Variants in ERBB4 observed in about 807,000 individuals in gnomAD.
The protein encoded by ERBB4 is receptor tyrosine-protein kinase erbB-4.
Under a neutral mutation model 158.0 loss-of-function variants are expected in ERBB4, and 42 were observed. The ratio of observed to expected loss-of-function variants is 0.27; its 90% confidence interval spans 0.21 to 0.34. ERBB4 has a LOEUF of 0.34. Ranked by LOEUF, ERBB4 falls within the 10% of genes least tolerant of loss-of-function variation. ERBB4 has a pLI of 1.00. For missense variants in ERBB4, 1,333 were observed against 1,624.1 expected (o/e 0.82, Z 3.08); for synonymous variants, 583 against 558.7 (o/e 1.04, Z -0.61).
chr2:211,949,069 C>T (rs2080797382), intron 2 of ERBB4, among the ~76,000 whole-genome samples: 1 of 152,096 alleles, frequency 6.6e-6, no homozygotes, highest in Admixed American at 6.6e-5. Context: ...TCTGACACCC[C>T]AAGTGTGATC....
chr2:211,918,987 T>C (rs1024883434), intron 3 of ERBB4, among the ~76,000 whole-genome samples: 7 of 152,098 alleles, frequency 4.6e-5, no homozygotes, highest in Non-Finnish European at 8.8e-5. Flanking sequence ...GTTTTTCTCC[T>C]TAAACTTGCC....
intron 1 of ERBB4, among the ~76,000 whole-genome samples, chr2:212,220,700 T>C (rs2083265240): frequency 6.6e-6 from 1 of 151,426 alleles, no homozygotes; most frequent in Non-Finnish European, 1.5e-5. Context: ...CTCCCTGCTA[T>C]ATTCAATTAA....
At chr2:211,604,208 C>T (rs2125819982) in intron 19 of ERBB4, among the ~76,000 whole-genome samples, 1 of 152,204 alleles carries the variant, frequency 6.6e-6, no homozygotes, top group African/African-American at 2.4e-5. Flanking sequence ...AATCAACACC[C>T]TGAGAGAAAG....
rs546254089 is a variant in ERBB4 at position 211,887,215 on chromosome 2, T to G, written c.421+60215A>C. Among the ~76,000 whole-genome samples the G allele has an allele frequency of 1.1e-4, 17 of 149,904 alleles. No homozygotes were observed. In the South Asian group the frequency reaches 3.1e-3, roughly 28 times the overall value. On this transcript the variant is annotated intron_variant, in intron 3 of 27. Transcript: ENST00000342788. ...AAGAGCTAATATGAAACATCCTGAA[T>G]TAGAATTAGTGAACAGAGTTGAAAG...
At chr2:211,796,109 G>A (rs1442240180) in intron 3 of ERBB4, among the ~76,000 whole-genome samples, 1 of 151,830 alleles carries the variant, frequency 6.6e-6, no homozygotes, top group African/African-American at 2.4e-5. Context: ...CCAGCACTCA[G>A]ATCAAGAGCT....
chr2:212,363,380 CAG>C, intron 1 of ERBB4, among the ~76,000 whole-genome samples: 1 of 151,444 alleles, frequency 6.6e-6, no homozygotes, highest in East Asian at 1.9e-4. Flanking sequence ...TCACTGACAA[CAG>C]AATCATAGCT....
intron 1 of ERBB4, among the ~76,000 whole-genome samples, chr2:212,522,498 G>A (rs554122053): frequency 4.6e-5 from 7 of 152,016 alleles, no homozygotes; most frequent in African/African-American, 1.7e-4. Flanking sequence ...GAGATATCGA[G>A]CAGGCAGTAG....
intron 19 of ERBB4, among the ~76,000 whole-genome samples, chr2:211,567,281 A>G (rs1559303120): frequency 6.6e-6 from 1 of 152,170 alleles, no homozygotes; most frequent in Non-Finnish European, 1.5e-5. Flanking sequence ...TCATCAGCAT[A>G]TTACAGTGTC....
intron 2 of ERBB4, among the ~76,000 whole-genome samples, chr2:212,013,701 T>C (rs190770927): frequency 6.6e-6 from 1 of 152,298 alleles, no homozygotes; most frequent in Non-Finnish European, 1.5e-5. Flanking sequence ...TTGCTGGCAA[T>C]TATCAGAAGC....
At chr2:212,283,688 T>C (rs2085846242) in intron 1 of ERBB4, among the ~76,000 whole-genome samples, 1 of 152,018 alleles carries the variant, frequency 6.6e-6, no homozygotes. Flanking sequence ...ACTTTGAATA[T>C]CAAGCATACA....
intron 1 of ERBB4, among the ~76,000 whole-genome samples, chr2:212,298,537 T>C (rs188654863): frequency 6.6e-6 from 1 of 151,784 alleles, no homozygotes; most frequent in East Asian, 2.0e-4. Context: ...CAGAGTCCTT[T>C]CAAGAAGCTC....
intron 3 of ERBB4, among the ~76,000 whole-genome samples, chr2:211,855,365 TG>T (rs1180076061): frequency 3.9e-5 from 6 of 152,218 alleles, no homozygotes; most frequent in Non-Finnish European, 5.9e-5. Context: ...ATCAATCTTT[TG>T]CTTCATAATT....
intron 20 of ERBB4, among the ~76,000 whole-genome samples, chr2:211,526,004 C>A (rs754136088): frequency 3.9e-5 from 6 of 152,140 alleles, no homozygotes; most frequent in Non-Finnish European, 8.8e-5. Flanking sequence ...ATGCCTACTG[C>A]CCATGGCCTG....
intron 2 of ERBB4, among the ~76,000 whole-genome samples, chr2:211,979,945 C>A (rs1317555973): frequency 6.6e-6 from 1 of 152,092 alleles, no homozygotes; most frequent in Non-Finnish European, 1.5e-5. Flanking sequence ...GACATCAAAT[C>A]AATTCTGTTT....
intron 19 of ERBB4, among the ~76,000 whole-genome samples, chr2:211,583,756 TAAAG>T (rs1022438313): frequency 1.3e-5 from 2 of 151,624 alleles, no homozygotes; most frequent in African/African-American, 4.8e-5. Flanking sequence ...AATTTACGAA[TAAAG>T]AAATCATAAA....
intron 19 of ERBB4, among the ~76,000 whole-genome samples, chr2:211,582,041 G>A (rs987348248): frequency 2.6e-5 from 4 of 151,936 alleles, no homozygotes; most frequent in Admixed American, 1.3e-4. Context: ...GTTAGTATTG[G>A]TCAATCTTGC....
At chr2:211,643,833 G>C (rs1378048400) in intron 16 of ERBB4, among the ~76,000 whole-genome samples, 1 of 152,028 alleles carries the variant, frequency 6.6e-6, no homozygotes, top group African/African-American at 2.4e-5. Flanking sequence ...CAAGGATGCT[G>C]TCTCTGAATT....
chr2:212,087,158 C>T (rs1575613423), intron 2 of ERBB4, among the ~76,000 whole-genome samples: 1 of 151,840 alleles, frequency 6.6e-6, no homozygotes, highest in East Asian at 1.9e-4. Context: ...CCTCTTATGA[C>T]ATCAACACAC....
At chr2:211,430,299 A>T (rs1028344781) in intron 21 of ERBB4, among the ~76,000 whole-genome samples, 1 of 151,966 alleles carries the variant, frequency 6.6e-6, no homozygotes, top group South Asian at 2.1e-4. Context: ...AGCTAGAGGG[A>T]CCTCCATATG....
Sources: allele counts gnomAD v4.1 joint callset (sites outside exome capture counted in the v4.1 genomes callset), GRCh38; gene constraint gnomAD v4.1.1; transcripts MANE v1.5; gene names NCBI Gene and HGNC (gene_info 2026-07-23, HGNC 2026-07-21).